Variants in FSTL1 observed in about 807,000 individuals in gnomAD.
FSTL1 encodes follistatin-related protein 1.
A neutral mutation model predicts 45.9 loss-of-function variants in FSTL1; 24 were observed. That is an observed-to-expected ratio of 0.52 (90% CI 0.38 to 0.74). The LOEUF (loss-of-function observed/expected upper bound fraction) is 0.74. Among genes scored for constraint, FSTL1 ranks in the 30% least tolerant of loss-of-function variants. The pLI is 0.00. For missense variants in FSTL1, 340 were observed against 381.8 expected (o/e 0.89, Z 0.91); for synonymous variants, 120 against 137.6 (o/e 0.87, Z 0.89).
In FSTL1 at chr3:120,393,579, C is replaced by T. The variant is rs1936631961; in HGVS notation, c.*3373G>A. On this transcript the variant is annotated 3_prime_UTR_variant, in exon 11 of 11. Transcript: ENST00000295633. ...CCATGTTTATTTGCCTTCTCACAGG[C>T]TACTGCAGTCAGCCTCACTGGATGC... The T allele has an allele frequency of 6.6e-6, 1 of 152,210 alleles. No homozygotes were observed. Among genetic ancestry groups the T allele is most frequent in the Admixed American group, 6.5e-5 (1 of 15,288 alleles). The allele number at this position is 152,210 out of a possible 1,614,324, so 9.4% of individuals were successfully genotyped here.
At chr3:120,400,149 T>C (rs10934529) in intron 9 of FSTL1, 190 bp from the exon 10 acceptor site, 1 of 598,144 alleles carries the variant, frequency 1.7e-6, no homozygotes, top group Admixed American at 2.9e-5. Flanking sequence ...GGTAACACAT[T>C]GTAACAAAGC....
chr3:120,447,400 C>T (rs1289934952), intron 2 of FSTL1, among the ~76,000 whole-genome samples: 1 of 152,164 alleles, frequency 6.6e-6, no homozygotes, highest in Non-Finnish European at 1.5e-5. Context: ...TTAATCTACA[C>T]ACATCTAGAG....
chr3:120,400,109 G>A (rs1468592926), intron 9 of FSTL1, 150 bp from the exon 10 acceptor site: 1 of 644,610 alleles, frequency 1.6e-6, no homozygotes, highest in African/African-American at 1.8e-5. Flanking sequence ...ATGAAGGCAT[G>A]AAGGGGCCCT....
chr3:120,398,550 C>T (rs112578705), intron 10 of FSTL1, among the ~76,000 whole-genome samples: 1,840 of 152,296 alleles, frequency 0.012, 16 homozygotes, highest in Non-Finnish European at 0.02. Context: ...ACTGTTATTC[C>T]ATTCCCAGAG....
Position 120,394,321 on chromosome 3 carries a change from G to A in FSTL1, c.*2631C>T, listed in dbSNP as rs1936652942. 6.6e-6 allele frequency: 1 copy of A among 152,198 alleles called. No individual in the cohort carries two copies. Among genetic ancestry groups the A allele is most frequent in the South Asian group, 2.1e-4 (1 of 4,828 alleles). 9.4% of individuals were successfully genotyped at this position (152,198 alleles called of 1,614,324 possible). ...TTCATCAATAGTATCCGAAAAGGAA[G>A]AATCAGGAGTTACAAAAACAAGTTA... On this transcript the variant is annotated 3_prime_UTR_variant, in exon 11 of 11. Transcript: ENST00000295633.
rs1447660276 is a variant in FSTL1, at chr3:120,393,289, T to A, written c.*3663A>T. 1 of 152,240 alleles carries A rather than the reference T, an allele frequency of 6.6e-6. No homozygotes were observed. The highest frequency in any genetic ancestry group is 2.1e-4 in the South Asian group (1 of 4,832). The allele number at this position is 152,240 out of a possible 1,614,324, so 9.4% of individuals were successfully genotyped here. A position where few individuals can be genotyped will look rare whatever the true frequency, so the allele number is the denominator to read the frequency against. On this transcript the variant is annotated 3_prime_UTR_variant, in exon 11 of 11. Coordinates refer to ENST00000295633, the MANE Select transcript of FSTL1 (RefSeq NM_007085.5). ...TAGGAAAGCAAAACTTCCACATGAC[T>A]GAACCGAAGAAACCTTAAACCTCAT...
intron 7 of FSTL1, among the ~76,000 whole-genome samples, chr3:120,403,981 A>C (rs1186998484): frequency 5.2e-5 from 6 of 114,306 alleles, no homozygotes; most frequent in Admixed American, 2.6e-4. Context: ...AACAAAAAAA[A>C]ACAAAAAACA....
intron 3 of FSTL1, among the ~76,000 whole-genome samples, chr3:120,415,042 A>G (rs1937162339): frequency 6.6e-6 from 1 of 151,964 alleles, no homozygotes; most frequent in Non-Finnish European, 1.5e-5. Flanking sequence ...AGCTCTATTT[A>G]GAGATCTCTG....
Position 120,394,158 on chromosome 3 carries a change from G to A in FSTL1, c.*2794C>T, listed in dbSNP as rs182901953. The A allele has an allele frequency of 4.1e-4, 63 of 152,268 alleles. 1 individual carries two copies. The highest frequency in any genetic ancestry group is 1.4e-3 in the African/African-American group (60 of 41,544). 9.4% of individuals were successfully genotyped at this position (152,268 alleles called of 1,614,324 possible). ...CTTTCCATCCAAGCTGTAGTCCCAG[G>A]AGAAACTCTTCAGTCCTTTTTAAGG... is the stretch of plus-strand genomic sequence containing the variant. On this transcript the variant is annotated 3_prime_UTR_variant, in exon 11 of 11. Transcript: ENST00000295633.
intron 2 of FSTL1, among the ~76,000 whole-genome samples, chr3:120,432,151 T>C (rs972976404): frequency 6.6e-6 from 1 of 152,218 alleles, no homozygotes; most frequent in Admixed American, 6.5e-5. Context: ...GAGATAGATA[T>C]ATCTTTTCAA....
intron 2 of FSTL1, among the ~76,000 whole-genome samples, chr3:120,431,807 G>A (rs1937483095): frequency 6.6e-6 from 1 of 152,184 alleles, no homozygotes; most frequent in Non-Finnish European, 1.5e-5. Context: ...AGTCAATAGA[G>A]ATTATCTGAA....
At chr3:120,450,111 GC>G (rs544949672) in intron 2 of FSTL1, among the ~76,000 whole-genome samples, 37 of 152,174 alleles carry the variant, frequency 2.4e-4, no homozygotes, top group Middle Eastern at 3.4e-3. Context: ...TCTTACACTT[GC>G]GCAACGTTAC....
chr3:120,393,240 A>G lies in FSTL1; in HGVS notation c.*3712T>C, dbSNP rs768988871. 2 of 152,234 alleles carry G rather than the reference A, an allele frequency of 1.3e-5. No individual in the cohort carries two copies. Among genetic ancestry groups the G allele is most frequent in the African/African-American group, 2.4e-5 (1 of 41,458 alleles). The allele number at this position is 152,234 out of a possible 1,614,324, so 9.4% of individuals were successfully genotyped here. ...GCATTTGGGTAATATCCCAAATCCA[A>G]TCAAAGTGATCCAGCTATAATTTTA... On this transcript the variant is annotated 3_prime_UTR_variant, in exon 11 of 11. Coordinates refer to ENST00000295633, the MANE Select transcript of FSTL1 (RefSeq NM_007085.5).
At chr3:120,442,240 A>G (rs894640454) in intron 2 of FSTL1, among the ~76,000 whole-genome samples, 2 of 152,204 alleles carry the variant, frequency 1.3e-5, no homozygotes, top group African/African-American at 2.4e-5. Context: ...TTCTACTGGT[A>G]AGGAAAGTGA....
At position 120,397,005 on chromosome 3, in the gene FSTL1, T is replaced by C. The variant is rs754255457; in HGVS notation, c.883-9A>G. 2.8e-5 allele frequency: 45 copies of C among 1,606,116 alleles called. No individual in the cohort carries two copies. The highest frequency in any genetic ancestry group is 1.0e-5 in the Non-Finnish European group (12 of 1,172,894). On this transcript the variant is annotated splice_polypyrimidine_tract_variant and intron_variant, in intron 10 of 10. Coordinates refer to ENST00000295633, the MANE Select transcript of FSTL1 (RefSeq NM_007085.5). ...GTCTTTTCAGCTGTTTCCTTTGAGA[T>C]GCAAGAGAAAATAGGCGTCATGGAA...
intron 2 of FSTL1, among the ~76,000 whole-genome samples, chr3:120,440,333 T>A (rs1937615615): frequency 6.6e-6 from 1 of 152,230 alleles, no homozygotes; most frequent in African/African-American, 2.4e-5. Flanking sequence ...ACAACTGATG[T>A]TACCTGGAAA....
At chr3:120,409,450 T>C in intron 6 of FSTL1, 82 bp downstream of exon 6, 1 of 1,228,752 alleles carries the variant, frequency 8.1e-7, no homozygotes, top group Non-Finnish European at 1.2e-6. Flanking sequence ...TCCTGTGGTC[T>C]GGGAAGGTGT....
intron 3 of FSTL1, among the ~76,000 whole-genome samples, chr3:120,414,050 C>T (rs1374930696): frequency 6.8e-6 from 1 of 147,840 alleles, no homozygotes. Context: ...CCCGAGGTGC[C>T]GGGATTGCAG....
At chr3:120,409,052 T>G (rs1937000657) in intron 6 of FSTL1, among the ~76,000 whole-genome samples, 1 of 152,232 alleles carries the variant, frequency 6.6e-6, no homozygotes, top group African/African-American at 2.4e-5. Flanking sequence ...GAACAATCTC[T>G]GGACCCATGA....
Sources: gnomAD v4.1 joint callset for allele counts (sites outside exome capture counted in the v4.1 genomes callset) on GRCh38, gnomAD v4.1.1 for gene constraint, MANE v1.5 for transcripts, NCBI Gene and HGNC (gene_info 2026-07-23, HGNC 2026-07-21) for gene names.